Variants in AVIL observed in about 807,000 individuals in gnomAD.
AVIL encodes the protein advillin.
In AVIL, 78 loss-of-function variants were observed where a neutral mutation model predicts 109.9. That is an observed-to-expected ratio of 0.71 (90% CI 0.59 to 0.86). AVIL has a LOEUF of 0.86. Ranked by LOEUF, AVIL falls within the 40% of genes least tolerant of loss-of-function variation. AVIL has a pLI of 0.00. For missense variants in AVIL, 892 were observed against 1,016.5 expected (o/e 0.88, Z 1.67); for synonymous variants, 367 against 379.1 (o/e 0.97, Z 0.37).
rs765024600 is a variant in AVIL at position 57,797,995 on chromosome 12, T to C, written c.2347A>G (p.Asn783Asp). Residue 783 changes from asparagine (N) to aspartate (D), a missense_variant and splice_region_variant, in exon 20 of 20, where the codon AAT (asparagine) becomes GAT (aspartate). Coordinates refer to ENST00000549994, the MANE Select transcript of AVIL (RefSeq NM_006576.4). ...PEDVNPAKKE[N>D]YLSEQDFVSV... ...ACAAAGTCCTGTTCAGAGAGGTAAT[T>C]CTAAGAGAGAAAACAAAGTTTCTAG... The C allele has an allele frequency of 1.9e-6, 3 of 1,591,954 alleles. No individual in the cohort carries two copies. The highest frequency in any genetic ancestry group is 2.6e-6 in the Non-Finnish European group (3 of 1,171,590).
chr12:57,816,082 G>A (rs918556758), intron 1 of AVIL, 23 bp from the exon 2 acceptor site: 1 of 1,571,308 alleles, frequency 6.4e-7, no homozygotes, highest in Non-Finnish European at 8.7e-7. Flanking sequence ...AGAACAAGAG[G>A]GGAGATGATA....
intron 2 of AVIL, chr12:57,815,741 G>C (rs1443650983): frequency 1.4e-6 from 2 of 1,426,674 alleles, no homozygotes; most frequent in East Asian, 5.5e-5. Context: ...GGACAAGCCT[G>C]TTTTTGTCTG....
intron 19 of AVIL, 62 bp from the exon 20 acceptor site, chr12:57,798,057 TGAG>T (rs1955771646): frequency 2.3e-6 from 3 of 1,317,456 alleles, no homozygotes; most frequent in Non-Finnish European, 3.1e-6. Context: ...CAACAGAAGT[TGAG>T]GAAGTTGGAG....
rs1211183814 is a variant in AVIL, at chr12:57,808,533, T to TC, written c.954dup (p.Lys319GlufsTer17). 1 of 1,614,124 alleles carries TC rather than the reference T, an allele frequency of 6.2e-7. No individual in the cohort carries two copies. The highest frequency in any genetic ancestry group is 2.2e-5 in the East Asian group (1 of 44,886). Reference sequence around the variant, plus strand: ...ACATTGGTGCTGCTGGGGTAGCTCTTCATCTTGATGAAGCCCTGCAGAGCC... The same window carrying TC: ...ACATTGGTGCTGCTGGGGTAGCTCTTCCATCTTGATGAAGCCCTGCAGAGCC... On this transcript the variant is annotated frameshift_variant, in exon 10 of 20. Transcript: ENST00000549994. LOFTEE classifies it high-confidence loss of function.
At chr12:57,815,840 A>G (rs1956095097) in intron 2 of AVIL, 135 bp downstream of exon 2, 5 of 1,537,960 alleles carry the variant, frequency 3.3e-6, no homozygotes, top group African/African-American at 2.7e-5. Flanking sequence ...GGAAATAGGT[A>G]CTTTGATGCT....
Position 57,801,031 on chromosome 12 carries a change from C to G in AVIL, c.2220+113G>C, listed in dbSNP as rs573379047. The G allele has an allele frequency of 2.1e-4, 165 of 803,072 alleles. No homozygotes were observed. In the African/African-American group the frequency reaches 2.7e-3, roughly 13 times the overall value. 49.7% of individuals were successfully genotyped at this position (803,072 alleles called of 1,614,324 possible). A position where few individuals can be genotyped will look rare whatever the true frequency, so the allele number is the denominator to read the frequency against. On this transcript the variant is annotated intron_variant, in intron 18 of 19. Transcript: ENST00000549994. ...AAAGTCTTTACATCAAAACAGACAA[C>G]TATGGTAATACTAAGGACATGAGTT...
chr12:57,815,874 A>G, intron 2 of AVIL, 101 bp downstream of exon 2: 1 of 1,582,282 alleles, frequency 6.3e-7, no homozygotes, highest in Non-Finnish European at 8.6e-7. Flanking sequence ...CTCAAACCAT[A>G]GGCTAAGGGG....
chr12:57,799,012 T>C (rs1392097171), intron 19 of AVIL, among the ~76,000 whole-genome samples: 1 of 152,150 alleles, frequency 6.6e-6, no homozygotes, highest in Non-Finnish European at 1.5e-5. Flanking sequence ...GCAGAGAAGC[T>C]GAGAATATGA....
intron 3 of AVIL, 117 bp from the exon 4 acceptor site, chr12:57,813,540 T>G: frequency 1.0e-6 from 1 of 996,132 alleles, no homozygotes; most frequent in Non-Finnish European, 1.5e-6. Context: ...GAGGGCCCTC[T>G]CTCCTGCAGT....
intron 14 of AVIL, chr12:57,806,134 T>C (rs545871697): frequency 1.2e-4 from 4 of 32,046 alleles, no homozygotes. Flanking sequence ...CGTGCCCAGC[T>C]TTTTTTTTTT....
intron 7 of AVIL, among the ~76,000 whole-genome samples, chr12:57,810,115 G>A (rs772160893): frequency 2.6e-5 from 4 of 152,182 alleles, no homozygotes; most frequent in Non-Finnish European, 4.4e-5. Context: ...CCCTGGGCAT[G>A]TGTAGGCTAG....
At chr12:57,807,210 C>T (rs767441307) in intron 13 of AVIL, 121 bp downstream of exon 13, 308 of 1,434,748 alleles carry the variant, frequency 2.1e-4, no homozygotes, top group Non-Finnish European at 2.9e-4. Context: ...CCCCTTCTTC[C>T]TCTGTCTAAT....
chr12:57,811,091 G>C lies in AVIL; in HGVS notation c.375C>G (p.His125Gln). The change falls in exon 5 of 20, where the codon CAC (histidine) becomes CAG (glutamine). Residue 125 changes from histidine (H) to glutamine (Q), a missense_variant. His to Gln is a conservative substitution (Grantham distance 24, BLOSUM62 0). Coordinates refer to ENST00000549994, the MANE Select transcript of AVIL (RefSeq NM_006576.4). ...KQGGVASGMK[H>Q]VETNTYDVKR... Reference sequence around the variant, plus strand: ...TCACGTCGTAGGTATTGGTCTCCACGTGCTTCATCCCAGAGGCGACACCCC... The same window carrying C: ...TCACGTCGTAGGTATTGGTCTCCACCTGCTTCATCCCAGAGGCGACACCCC... 6.2e-7 allele frequency: 1 copy of C among 1,614,130 alleles called. No individual in the cohort carries two copies. The highest frequency in any genetic ancestry group is 1.7e-5 in the Admixed American group (1 of 60,034).
chr12:57,802,385 C>G (rs1310656071), intron 16 of AVIL, 37 bp from the exon 17 acceptor site: 1 of 1,569,396 alleles, frequency 6.4e-7, no homozygotes, highest in Admixed American at 1.9e-5. Flanking sequence ...TTACTGTGTT[C>G]ATACCAAGGA....
rs1348553437 is a variant in AVIL at position 57,813,486 on chromosome 12, T to C, written c.142-63A>G. On this transcript the variant is annotated intron_variant, in intron 3 of 19. Coordinates refer to ENST00000549994, the MANE Select transcript of AVIL (RefSeq NM_006576.4). ...TCACCTCCCCTTTGCTGCTGGCCCCTGTTATGGGGAGAATGCAGCACATGT... is the reference window on the plus strand; with the variant it reads ...TCACCTCCCCTTTGCTGCTGGCCCCCGTTATGGGGAGAATGCAGCACATGT... The C allele has an allele frequency of 2.6e-5, 39 of 1,498,494 alleles. No homozygotes were observed. In the East Asian group the frequency reaches 8.2e-4, roughly 31 times the overall value. 92.8% of individuals were successfully genotyped at this position (1,498,494 alleles called of 1,614,324 possible).
chr12:57,810,860 T>A lies in AVIL; in HGVS notation c.514A>T (p.Ile172Phe). The change falls in exon 6 of 20, where the codon ATC (isoleucine) becomes TTC (phenylalanine). Residue 172 changes from isoleucine to phenylalanine, a missense_variant. Coordinates refer to ENST00000549994, the MANE Select transcript of AVIL (RefSeq NM_006576.4). Reference protein sequence around the residue: ...VFLLDLGKVIIQWNGPESNSG... With the variant: ...VFLLDLGKVIFQWNGPESNSG... ...TTGCTCTCTGGGCCATTCCATTGGA[T>A]GATGACTTTCCCAAGGTCCAGCAAG... is the stretch of plus-strand genomic sequence containing the variant. The A allele has an allele frequency of 6.2e-7, 1 of 1,614,192 alleles. No individual in the cohort carries two copies. Among genetic ancestry groups the A allele is most frequent in the Non-Finnish European group, 8.5e-7 (1 of 1,180,026 alleles).
chr12:57,815,692 C>A, intron 2 of AVIL: 1 of 1,371,780 alleles, frequency 7.3e-7, no homozygotes, highest in Non-Finnish European at 9.5e-7. Context: ...CAGGGTGTTT[C>A]CTGCAAGTGC....
intron 11 of AVIL, 51 bp from the exon 12 acceptor site, chr12:57,807,778 G>T: frequency 6.2e-7 from 1 of 1,610,750 alleles, no homozygotes; most frequent in Non-Finnish European, 8.5e-7. Context: ...GCTGAGAGGG[G>T]CTAGGCCACA....
In AVIL at chr12:57,807,351, C is replaced by G. The variant is rs1192518888; in HGVS notation, c.1471G>C (p.Gly491Arg). The G allele has an allele frequency of 1.2e-6, 2 of 1,614,114 alleles. No individual in the cohort carries two copies. Among genetic ancestry groups the G allele is most frequent in the Non-Finnish European group, 1.7e-6 (2 of 1,180,048 alleles). The change falls in exon 13 of 20, where the codon GGG becomes CGG. Residue 491 changes from glycine to arginine, a missense_variant. Coordinates refer to ENST00000549994, the MANE Select transcript of AVIL (RefSeq NM_006576.4). Reference sequence around the variant, plus strand: ...CTCACCTCAAAGATAACTAGCTTCCCTTTGAAGATGGCCATGAAGTGGCGT... The same window carrying G: ...CTCACCTCAAAGATAACTAGCTTCCGTTTGAAGATGGCCATGAAGTGGCGT... ...EPRHFMAIFK[G>R]KLVIFEGGTS...
Sources: gnomAD v4.1 joint callset for allele counts (sites outside exome capture counted in the v4.1 genomes callset) on GRCh38, gnomAD v4.1.1 for gene constraint, MANE v1.5 for transcripts, NCBI Gene and HGNC (gene_info 2026-07-23, HGNC 2026-07-21) for gene names.